The following SUGCT variants were observed in gnomAD, a reference collection of about 807,000 sequenced individuals.
The protein encoded by SUGCT is succinyl-CoA:glutarate CoA-transferase.
Under a neutral mutation model 55.0 loss-of-function variants are expected in SUGCT, and 41 were observed. The ratio of observed to expected loss-of-function variants is 0.74; its 90% CI spans 0.58 to 0.97. The LOEUF (loss-of-function observed/expected upper bound fraction) is 0.97, where lower values mean the gene tolerates loss of function less well. Among genes scored for constraint, SUGCT ranks in the 50% least tolerant of loss-of-function variants. The probability of loss-of-function intolerance (pLI) is 0.00; values close to 1 mark genes in which losing one functional copy is unlikely to be tolerated. For synonymous variants in SUGCT, 187 were observed against 200.4 expected, an observed-to-expected ratio of 0.93 and a Z score of 0.56; for missense variants, 568 against 547.8, an observed-to-expected ratio of 1.04 and a Z score of -0.37.
chr7:40,823,138 T>G (rs181711149), intron 13 of SUGCT, among the ~76,000 whole-genome samples: 1 of 152,170 alleles, frequency 6.6e-6, no homozygotes, highest in Non-Finnish European at 1.5e-5. Flanking sequence ...CATTGTATCA[T>G]CTTAGTAATG....
At chr7:40,161,581 T>G (rs1422890918) in intron 1 of SUGCT, among the ~76,000 whole-genome samples, 1 of 152,258 alleles carries the variant, frequency 6.6e-6, no homozygotes, top group Non-Finnish European at 1.5e-5. Context: ...TGCACTAAAG[T>G]CTTCCTTTTG....
chr7:40,993,931 A>T, the SUGCT span, among the ~76,000 whole-genome samples: 8 of 152,150 alleles, frequency 5.3e-5, no homozygotes, highest in Non-Finnish European at 1.2e-4. Context: ...CAAATAAAAC[A>T]CTATTCAACT....
chr7:40,527,192 A>T (rs577619283), intron 12 of SUGCT, among the ~76,000 whole-genome samples: 1 of 152,200 alleles, frequency 6.6e-6, no homozygotes, highest in Non-Finnish European at 1.5e-5. Context: ...GTTCTGTGTG[A>T]TCATCTAAAG....
intron 12 of SUGCT, among the ~76,000 whole-genome samples, chr7:40,597,803 T>C (rs1798091815): frequency 6.6e-6 from 1 of 152,190 alleles, no homozygotes; most frequent in East Asian, 1.9e-4. Flanking sequence ...GGAAGAGAAA[T>C]GAACCTTTGT....
intron 13 of SUGCT, among the ~76,000 whole-genome samples, chr7:40,827,880 G>T (rs533173903): frequency 4.6e-5 from 7 of 152,134 alleles, no homozygotes; most frequent in Admixed American, 4.6e-4. Context: ...TCTCTTGGTG[G>T]GGTTGCTTTG....
intron 1 of SUGCT, among the ~76,000 whole-genome samples, chr7:40,161,057 C>A (rs1434249949): frequency 6.6e-6 from 1 of 152,114 alleles, no homozygotes; most frequent in Non-Finnish European, 1.5e-5. Flanking sequence ...TCTTTGGAAG[C>A]AAGTTCTTTG....
intron 13 of SUGCT, among the ~76,000 whole-genome samples, chr7:40,772,770 A>G (rs1213482238): frequency 1.3e-5 from 2 of 152,014 alleles, no homozygotes; most frequent in Non-Finnish European, 2.9e-5. Context: ...ATCTGGGACT[A>G]CAGGTGTACA....
chr7:40,365,547 T>C (rs1480336417), intron 9 of SUGCT, among the ~76,000 whole-genome samples: 1 of 152,164 alleles, frequency 6.6e-6, no homozygotes, highest in Non-Finnish European at 1.5e-5. Flanking sequence ...CTTAAGCTGA[T>C]AAGCAACTTC....
Position 40,768,869 on chromosome 7 carries a change from A to G in SUGCT, c.1153+19372A>G, listed in dbSNP as rs191911095. On this transcript the variant is annotated intron_variant, in intron 13 of 13. Transcript: ENST00000335693. The stretch of plus-strand genomic sequence containing the variant: ...AGGTGCACACAGAAGTTTGATGGGG[A>G]GGCACATGTGAGTGCCACGTTGTTC... Among the ~76,000 whole-genome samples, 319 of 152,350 alleles carry G rather than the reference A, an allele frequency of 2.1e-3. 1 individual carries two copies. The highest frequency in any genetic ancestry group is 7.3e-3 in the African/African-American group (304 of 41,578).
At chr7:40,300,785 G>C (rs1348519750) in intron 8 of SUGCT, among the ~76,000 whole-genome samples, 1 of 152,130 alleles carries the variant, frequency 6.6e-6, no homozygotes, top group Non-Finnish European at 1.5e-5. Flanking sequence ...TGACTGTAAT[G>C]TAAGTTAGTG....
At chr7:40,677,537 A>G (rs555094548) in intron 12 of SUGCT, among the ~76,000 whole-genome samples, 1 of 152,304 alleles carries the variant, frequency 6.6e-6, no homozygotes, top group East Asian at 1.9e-4. Context: ...TCATAGCAGA[A>G]ACTGGGAGGA....
At chr7:40,248,782 A>G (rs1372425966) in intron 7 of SUGCT, among the ~76,000 whole-genome samples, 1 of 152,052 alleles carries the variant, frequency 6.6e-6, no homozygotes, top group East Asian at 1.9e-4. Context: ...GAACCATTTT[A>G]TACTCCTGTC....
intron 9 of SUGCT, among the ~76,000 whole-genome samples, chr7:40,448,241 C>A (rs1788962675): frequency 1.4e-5 from 2 of 146,050 alleles, no homozygotes; most frequent in Non-Finnish European, 3.0e-5. Context: ...TCCCTCCCTC[C>A]CTCCCTTCCT....
Position 40,633,570 on chromosome 7 carries a change from G to A in SUGCT, c.1090-115864G>A, listed in dbSNP as rs146498789. Among the ~76,000 whole-genome samples, 492 of 152,306 alleles carry A rather than the reference G, an allele frequency of 3.2e-3. 3 individuals carry two copies. Among genetic ancestry groups the A allele is most frequent in the African/African-American group, 0.011 (469 of 41,574 alleles). On this transcript the variant is annotated intron_variant, in intron 12 of 13. Coordinates refer to ENST00000335693, the MANE Select transcript of SUGCT (RefSeq NM_001193313.2). ...AGGAAAGCGATACCTTTTAGCAGGT[G>A]CTTGGTACAAAATCAAGCAATCAGG...
chr7:40,929,772 G>GT, the SUGCT span, among the ~76,000 whole-genome samples: 4 of 152,018 alleles, frequency 2.6e-5, no homozygotes, highest in Admixed American at 6.6e-5. Flanking sequence ...GAGGTTGTTT[G>GT]TTTTTTCTTG....
At chr7:40,165,374 T>C (rs535562258) in intron 1 of SUGCT, among the ~76,000 whole-genome samples, 1 of 152,260 alleles carries the variant, frequency 6.6e-6, no homozygotes, top group South Asian at 2.1e-4. Context: ...TTTATTTGTG[T>C]CGTCTAAACC....
chr7:40,756,691 T>C (rs897558238), intron 13 of SUGCT, among the ~76,000 whole-genome samples: 1 of 152,170 alleles, frequency 6.6e-6, no homozygotes, highest in African/African-American at 2.4e-5. Context: ...TATCTCTCCA[T>C]AAAGTTTAAG....
the SUGCT span, among the ~76,000 whole-genome samples, chr7:40,998,367 GAA>G: frequency 7.0e-6 from 1 of 142,640 alleles, no homozygotes; most frequent in African/African-American, 2.6e-5. Flanking sequence ...GTAAGACTCT[GAA>G]AAAAAAAAAG....
intron 12 of SUGCT, among the ~76,000 whole-genome samples, chr7:40,632,861 G>A (rs1263622781): frequency 6.6e-6 from 1 of 152,068 alleles, no homozygotes; most frequent in Admixed American, 6.5e-5. Context: ...GTGTCACTAG[G>A]GTTGCCTAAA....
Sources: allele counts gnomAD v4.1 joint callset (sites outside exome capture counted in the v4.1 genomes callset), GRCh38; gene constraint gnomAD v4.1.1; transcripts MANE v1.5; gene names NCBI Gene and HGNC (gene_info 2026-07-23, HGNC 2026-07-21).